Variants in TIAM2 observed in about 807,000 individuals in gnomAD.
TIAM2 encodes the protein rho guanine nucleotide exchange factor TIAM2.
TIAM2 carries 80 observed loss-of-function variants against 152.9 expected under a neutral mutation model. The observed-to-expected ratio is 0.52, with a 90% CI of 0.44 to 0.63. TIAM2 has a LOEUF of 0.63. Among genes scored for constraint, TIAM2 ranks in the 30% least tolerant of loss-of-function variants. TIAM2 has a pLI of 0.00. For missense variants in TIAM2, 1,965 were observed against 2,120.1 expected, an observed-to-expected ratio of 0.93 and a Z score of 1.44; for synonymous variants, 804 against 838.0, an observed-to-expected ratio of 0.96 and a Z score of 0.70.
rs531381540 is a variant in TIAM2, at chr6:155,188,169, A to G, written c.3064+4669A>G. On this transcript the variant is annotated intron_variant, in intron 14 of 26. Coordinates refer to ENST00000682666, the MANE Select transcript of TIAM2 (RefSeq NM_012454.4). ...GAATTGTGTGTCCCAAACCTCCACC[A>G]TTGTCTTTCCTCGTGCGCTCAGAAT... Among the ~76,000 whole-genome samples the G allele has an allele frequency of 1.3e-3, 198 of 152,134 alleles. 1 individual carries two copies. Among genetic ancestry groups the G allele is most frequent in the African/African-American group, 4.6e-3 (192 of 41,478 alleles).
intron 18 of TIAM2, among the ~76,000 whole-genome samples, chr6:155,245,014 C>T (rs1783239612): frequency 1.3e-5 from 2 of 152,156 alleles, no homozygotes; most frequent in African/African-American, 4.8e-5. Flanking sequence ...AGCAGCACCT[C>T]CCGCCTGGTT....
At chr6:155,241,410 G>T (rs994552890) in intron 16 of TIAM2, among the ~76,000 whole-genome samples, 1 of 152,158 alleles carries the variant, frequency 6.6e-6, no homozygotes, top group Non-Finnish European at 1.5e-5. Context: ...CGGTGCGGTG[G>T]GCTGAGGGTC....
chr6:155,138,045 G>A (rs1333562169), intron 5 of TIAM2, among the ~76,000 whole-genome samples: 1 of 152,126 alleles, frequency 6.6e-6, no homozygotes, highest in Middle Eastern at 3.2e-3. Flanking sequence ...TCTTCATGTT[G>A]ACCAGGCTGC....
chr6:155,016,038 A>G (rs1778573835), intron 1 of TIAM2, among the ~76,000 whole-genome samples: 1 of 152,026 alleles, frequency 6.6e-6, no homozygotes, highest in Non-Finnish European at 1.5e-5. Flanking sequence ...TTAAAAGGCA[A>G]CAATACTTGC....
intron 5 of TIAM2, among the ~76,000 whole-genome samples, chr6:155,141,906 C>G (rs1164729515): frequency 5.9e-5 from 9 of 152,194 alleles, no homozygotes; most frequent in Admixed American, 5.9e-4. Flanking sequence ...TATTACGTCT[C>G]TATTCTTGTA....
At chr6:155,175,038 A>G (rs569680133) in intron 9 of TIAM2, among the ~76,000 whole-genome samples, 3 of 152,276 alleles carry the variant, frequency 2.0e-5, no homozygotes, top group African/African-American at 7.2e-5. Context: ...TGAACCAGGG[A>G]AAAAAATGTG....
At chr6:155,021,364 C>T (rs910362734) in intron 1 of TIAM2, among the ~76,000 whole-genome samples, 5 of 152,026 alleles carry the variant, frequency 3.3e-5, no homozygotes, top group African/African-American at 1.2e-4. Context: ...CGGGTTAAAT[C>T]GATTCTGCTG....
chr6:155,082,077 C>T (rs138825202), intron 1 of TIAM2, among the ~76,000 whole-genome samples: 13 of 152,314 alleles, frequency 8.5e-5, no homozygotes, highest in African/African-American at 2.6e-4. Flanking sequence ...GGCGCAGTCG[C>T]TTACACCTGT....
chr6:155,118,439 T>C (rs1422524412), intron 2 of TIAM2, among the ~76,000 whole-genome samples: 3 of 112,414 alleles, frequency 2.7e-5, no homozygotes, highest in African/African-American at 1.3e-4. Context: ...CTTTTTCTTT[T>C]TTTTTTTTTT....
chr6:155,077,262 C>T (rs750736394), intron 1 of TIAM2, among the ~76,000 whole-genome samples: 14 of 151,864 alleles, frequency 9.2e-5, no homozygotes, highest in African/African-American at 3.4e-4. Context: ...AATAACTTGA[C>T]CATTCAGAAG....
At chr6:155,143,723 T>C (rs561804765) in intron 5 of TIAM2, among the ~76,000 whole-genome samples, 1 of 152,294 alleles carries the variant, frequency 6.6e-6, no homozygotes, top group African/African-American at 2.4e-5. Flanking sequence ...TGCTTAAGGA[T>C]GAGGGCTTTG....
chr6:155,182,026 AT>A (rs1780914235), intron 12 of TIAM2, among the ~76,000 whole-genome samples, 199 bp from the exon 13 acceptor site: 1 of 152,216 alleles, frequency 6.6e-6, no homozygotes, highest in Non-Finnish European at 1.5e-5. Context: ...TTATGTTTTT[AT>A]ATTTCTTAAG....
chr6:155,076,949 GC>G (rs1429760303), intron 1 of TIAM2, among the ~76,000 whole-genome samples: 1 of 152,158 alleles, frequency 6.6e-6, no homozygotes, highest in Non-Finnish European at 1.5e-5. Context: ...ACCCTCCTCG[GC>G]CTCCCAAAGT....
intron 4 of TIAM2, among the ~76,000 whole-genome samples, chr6:155,134,438 A>G (rs1459133542): frequency 2.6e-5 from 3 of 116,722 alleles, no homozygotes; most frequent in East Asian, 6.0e-4. Context: ...TTGCTTTGCT[A>G]TGGTTAAACA....
intron 8 of TIAM2, 45 bp downstream of exon 8, chr6:155,164,645 T>G (rs1457412391): frequency 6.4e-7 from 1 of 1,566,646 alleles, no homozygotes; most frequent in East Asian, 2.3e-5. Flanking sequence ...CGGGGAGGGC[T>G]GCGGATGCTC....
chr6:155,137,123 G>T, intron 4 of TIAM2, 54 bp from the exon 5 acceptor site: 1 of 1,564,350 alleles, frequency 6.4e-7, no homozygotes, highest in Non-Finnish European at 8.7e-7. Flanking sequence ...GTGCAAGAAG[G>T]GATGCTTTGG....
At chr6:155,121,249 A>G (rs1779143095) in intron 2 of TIAM2, among the ~76,000 whole-genome samples, 1 of 152,202 alleles carries the variant, frequency 6.6e-6, no homozygotes, top group Non-Finnish European at 1.5e-5. Context: ...TGAGTAGGTA[A>G]TGACAGACCT....
At chr6:155,029,428 ATAGTATATATTATAC>A (rs1776750745) in intron 1 of TIAM2, among the ~76,000 whole-genome samples, 1 of 8,530 alleles carries the variant, frequency 1.2e-4, no homozygotes, top group Non-Finnish European at 2.3e-4. Context: ...TATATATACT[ATAGTATATATTATAC>A]TATAGTATAT....
intron 6 of TIAM2, among the ~76,000 whole-genome samples, chr6:155,145,045 A>G (rs1044929699): frequency 6.6e-6 from 1 of 152,094 alleles, no homozygotes; most frequent in Non-Finnish European, 1.5e-5. Context: ...CAAAGAGAAA[A>G]AAATCATGAT....
Sources: allele counts gnomAD v4.1 joint callset (sites outside exome capture counted in the v4.1 genomes callset), GRCh38; gene constraint gnomAD v4.1.1; transcripts MANE v1.5; gene names NCBI Gene and HGNC (gene_info 2026-07-23, HGNC 2026-07-21).